The following MS4A4E variants were observed in gnomAD, a reference collection of about 807,000 sequenced individuals.
MS4A4E encodes putative membrane-spanning 4-domains subfamily A member 4E.
In MS4A4E, 23 loss-of-function variants were observed where a neutral mutation model predicts 13.3. The observed-to-expected ratio is 1.73, with a 90% confidence interval of 1.25 to 2.45. The LOEUF (loss-of-function observed/expected upper bound fraction) is 2.45, where lower values mean the gene tolerates loss of function less well. MS4A4E is among the 30% of genes most tolerant of loss of function. The pLI is 0.00. For missense variants in MS4A4E, 144 were observed against 131.2 expected (o/e 1.10, Z -0.48); for synonymous variants, 36 against 45.6 (o/e 0.79, Z 0.85).
rs567743835 is a variant in MS4A4E at position 60,238,289 on chromosome 11, G to A, written c.-17+4669C>T. Reference sequence around the variant, plus strand: ...GTAAAATTCACCAGTGAAATCACAGGAGCCTGGGCTTTCCTTTATAAAAGT... The same window carrying A: ...GTAAAATTCACCAGTGAAATCACAGAAGCCTGGGCTTTCCTTTATAAAAGT... On this transcript the variant is annotated intron_variant, in intron 1 of 8. Coordinates refer to ENST00000651255, the MANE Select transcript of MS4A4E (RefSeq NM_001393391.1). Among the ~76,000 whole-genome samples, 39 of 151,870 alleles carry A rather than the reference G, an allele frequency of 2.6e-4. No homozygotes were observed. The Middle Eastern group carries it at 0.014, about 53-fold the overall frequency.
chr11:60,211,712 A>G (rs2091043627), intron 5 of MS4A4E, among the ~76,000 whole-genome samples: 1 of 152,216 alleles, frequency 6.6e-6, no homozygotes, highest in African/African-American at 2.4e-5. Context: ...CAGGAGTTCA[A>G]GACCAGGCTG....
chr11:60,239,223 T>C (rs145644257), intron 1 of MS4A4E, among the ~76,000 whole-genome samples: 6 of 152,346 alleles, frequency 3.9e-5, no homozygotes, highest in African/African-American at 1.4e-4. Context: ...TTTCTGTAAC[T>C]CTACTCTGTG....
chr11:60,226,412 A>C (rs2084344755), intron 3 of MS4A4E, among the ~76,000 whole-genome samples: 1 of 152,288 alleles, frequency 6.6e-6, no homozygotes, highest in South Asian at 2.1e-4. Context: ...ACTAAATCTA[A>C]TAGTGTATCA....
intron 3 of MS4A4E, among the ~76,000 whole-genome samples, chr11:60,222,919 T>C (rs779912600): frequency 1.6e-4 from 25 of 152,150 alleles, no homozygotes; most frequent in Admixed American, 1.3e-4. Context: ...AGGAGATCCC[T>C]TAGGGTGTCT....
Position 60,213,077 on chromosome 11 carries a change from A to G in MS4A4E, c.278T>C (p.Ile93Thr), listed in dbSNP as rs566912578. ...ITSSVLAISG[I>T]LINAISLTFY... is the part of the protein sequence containing the mutation. ...CGTCAAGCTTATTGCATTGATTAAG[A>G]TCCCTGATATAGCCAAGACTGAACT... Residue 93 changes from isoleucine to threonine, a missense_variant, in exon 5 of 9, where the codon ATC becomes ACC. Physicochemically the swap from Ile to Thr is moderately conservative, Grantham distance 89. Around this residue, in one of 3 missense-constraint regions of MS4A4E, gnomAD observed 119 missense variants for 88.7 expected, o/e 1.34. Transcript: ENST00000651255. 6.1e-5 allele frequency: 32 copies of G among 524,106 alleles called. No homozygotes were observed. The East Asian group carries it at 9.4e-4, about 15-fold the overall frequency. 32.5% of individuals were successfully genotyped at this position (524,106 alleles called of 1,614,324 possible).
intron 1 of MS4A4E, among the ~76,000 whole-genome samples, chr11:60,235,885 C>G (rs586127): frequency 1 from 152,350 of 152,352 alleles, 76,174 homozygotes; most frequent in Non-Finnish European, 1. Flanking sequence ...CTAAATAGAA[C>G]GGTATTAGTT....
chr11:60,215,677 T>G (rs756423630), intron 3 of MS4A4E, among the ~76,000 whole-genome samples: 4 of 151,860 alleles, frequency 2.6e-5, no homozygotes, highest in African/African-American at 4.8e-5. Context: ...ATGTAGACTA[T>G]TATGTATTAC....
At chr11:60,207,293 A>C (rs988385024) in intron 6 of MS4A4E, among the ~76,000 whole-genome samples, 2 of 152,172 alleles carry the variant, frequency 1.3e-5, no homozygotes, top group African/African-American at 4.8e-5. Context: ...GCTTTTCTGG[A>C]CTCAAACCAG....
chr11:60,222,733 T>A (rs1314050630), intron 3 of MS4A4E, among the ~76,000 whole-genome samples: 3 of 152,044 alleles, frequency 2.0e-5, no homozygotes, highest in African/African-American at 7.3e-5. Context: ...GAGACAACAA[T>A]GATTTCATTA....
At position 60,200,912 on chromosome 11, in the gene MS4A4E, GC is replaced by G. The variant is rs2083976870; in HGVS notation, c.*630del. ...CCTCCCGGACGGGGCGGCTGGCCGG[GC>G]GGGGGGCTGACCCCTCCACCTCCCT... On this transcript the variant is annotated 3_prime_UTR_variant, in exon 9 of 9. Coordinates refer to ENST00000651255, the MANE Select transcript of MS4A4E (RefSeq NM_001393391.1). 6.7e-6 allele frequency among the ~76,000 whole-genome samples: 1 copy of G among 149,710 alleles called. No individual in the cohort carries two copies. The highest frequency in any genetic ancestry group is 2.1e-4 in the South Asian group (1 of 4,760).
At position 60,200,753 on chromosome 11, in the gene MS4A4E, T is replaced by C. The variant is rs961952048; in HGVS notation, c.*790A>G. Among the ~76,000 whole-genome samples, 2 of 152,272 alleles carry C rather than the reference T, an allele frequency of 1.3e-5. No homozygotes were observed. The highest frequency in any genetic ancestry group is 4.8e-5 in the African/African-American group (2 of 41,486). ...CTTTTCCCCACCTTTCCCCCCTTTC[T>C]ATTCCACAAAACCGCCATTGTCCTC... is the stretch of plus-strand genomic sequence containing the variant. On this transcript the variant is annotated 3_prime_UTR_variant, in exon 9 of 9. Coordinates refer to ENST00000651255, the MANE Select transcript of MS4A4E (RefSeq NM_001393391.1).
chr11:60,240,911 T>C (rs1003532615), intron 1 of MS4A4E, among the ~76,000 whole-genome samples: 7 of 152,248 alleles, frequency 4.6e-5, no homozygotes, highest in Admixed American at 4.6e-4. Context: ...AAGAAATCTA[T>C]GTTATTTTCC....
chr11:60,215,133 C>G (rs964938500), intron 3 of MS4A4E, among the ~76,000 whole-genome samples: 3 of 151,982 alleles, frequency 2.0e-5, no homozygotes, highest in Admixed American at 6.5e-5. Flanking sequence ...GTTGGACTCT[C>G]TACCTTATAA....
intron 1 of MS4A4E, among the ~76,000 whole-genome samples, chr11:60,238,601 T>C (rs2084512318): frequency 6.6e-6 from 1 of 152,202 alleles, no homozygotes; most frequent in Non-Finnish European, 1.5e-5. Context: ...TTGTTGATCG[T>C]TGCAAGAATG....
Position 60,213,550 on chromosome 11 carries a change from A to G in MS4A4E, c.223-418T>C, listed in dbSNP as rs2084151978. ...ATTCCTTTTTGTACTTTCTCTTCTCATGGGTAAGGTAAGGAGGCTTTTTAT... is the reference window on the plus strand; with the variant it reads ...ATTCCTTTTTGTACTTTCTCTTCTCGTGGGTAAGGTAAGGAGGCTTTTTAT... On this transcript the variant is annotated intron_variant, in intron 4 of 8. Coordinates refer to ENST00000651255, the MANE Select transcript of MS4A4E (RefSeq NM_001393391.1). Among the ~76,000 whole-genome samples the G allele has an allele frequency of 2.0e-5, 3 of 151,968 alleles. No individual in the cohort carries two copies. In the South Asian group the frequency reaches 6.2e-4, roughly 32 times the overall value.
intron 5 of MS4A4E, among the ~76,000 whole-genome samples, chr11:60,212,271 G>C (rs1369490364): frequency 6.6e-6 from 1 of 150,944 alleles, no homozygotes; most frequent in East Asian, 1.9e-4. Flanking sequence ...TACTGTTCAA[G>C]ACAATTTTAC....
rs1398882040 is a variant in MS4A4E at position 60,200,376 on chromosome 11, A to G, written c.*1167T>C. ...AGGGTCATAGGACAATAGTGGAGGG[A>G]AGGTCAGCAGATAAACAAGTGAACA... On this transcript the variant is annotated 3_prime_UTR_variant, in exon 9 of 9. Transcript: ENST00000651255. Among the ~76,000 whole-genome samples, 4 of 151,744 alleles carry G rather than the reference A, an allele frequency of 2.6e-5. No homozygotes were observed. Among genetic ancestry groups the G allele is most frequent in the Non-Finnish European group, 1.5e-5 (1 of 67,854 alleles).
chr11:60,221,626 TG>T (rs2084271400), intron 3 of MS4A4E, among the ~76,000 whole-genome samples: 1 of 152,174 alleles, frequency 6.6e-6, no homozygotes, highest in South Asian at 2.1e-4. Context: ...TGCACCTCAT[TG>T]TGCACTTTGC....
intron 6 of MS4A4E, 139 bp downstream of exon 6, chr11:60,208,454 T>C (rs538252413): frequency 5.6e-4 from 164 of 291,404 alleles, no homozygotes; most frequent in African/African-American, 3.3e-3. Flanking sequence ...AGGACCCACA[T>C]CCACTGGGCC....
Sources: gnomAD v4.1 joint callset for allele counts (sites outside exome capture counted in the v4.1 genomes callset) on GRCh38, gnomAD v4.1.1 for gene constraint, gnomAD v4.1.1 regional missense constraint, MANE v1.5 for transcripts, NCBI Gene and HGNC (gene_info 2026-07-23, HGNC 2026-07-21) for gene names.